Variants in PCDHGA12 observed in about 807,000 individuals in gnomAD.
The protein encoded by PCDHGA12 is protocadherin gamma subfamily A, 12.
Under a neutral mutation model 61.1 loss-of-function variants are expected in PCDHGA12, and 43 were observed. That is an observed-to-expected ratio of 0.70 (90% CI 0.55 to 0.91). PCDHGA12 has a LOEUF of 0.91. Ranked by LOEUF, PCDHGA12 falls within the 40% of genes least tolerant of loss-of-function variation. PCDHGA12 has a pLI of 0.00. For synonymous variants in PCDHGA12, 520 were observed against 542.9 expected, an observed-to-expected ratio of 0.96 and a Z score of 0.59; for missense variants, 1,236 against 1,227.7, an observed-to-expected ratio of 1.01 and a Z score of -0.10.
intron 1 of PCDHGA12, among the ~76,000 whole-genome samples, chr5:141,474,248 A>G (rs2099346089): frequency 6.6e-6 from 1 of 152,220 alleles, no homozygotes; most frequent in African/African-American, 2.4e-5. Context: ...TAGGGGAAAA[A>G]AAGACTGATA....
chr5:141,501,130 G>A (rs528942194), intron 2 of PCDHGA12, among the ~76,000 whole-genome samples: 5 of 152,100 alleles, frequency 3.3e-5, no homozygotes, highest in African/African-American at 4.8e-5. Flanking sequence ...GCCTCCCTAA[G>A]TGCTGGGATT....
In PCDHGA12 at chr5:141,486,531, C is replaced by T; in HGVS notation, c.2425-8276C>T. The T allele has an allele frequency of 6.2e-7, 1 of 1,614,062 alleles. No homozygotes were observed. Among genetic ancestry groups the T allele is most frequent in the Non-Finnish European group, 8.5e-7 (1 of 1,180,020 alleles). Reference sequence around the variant, plus strand: ...ATTTCAGATGTGAATGATAATCCACCCTCTTTCTTTCAGAGGTCACATGAG... The same window carrying T: ...ATTTCAGATGTGAATGATAATCCACTCTCTTTCTTTCAGAGGTCACATGAG... On this transcript the variant is annotated intron_variant, in intron 1 of 3. Transcript: ENST00000252085. This position sits in a 1 kb window ranked among gnomAD's most constrained non-coding sequence, Gnocchi z 5.0.
intron 1 of PCDHGA12, among the ~76,000 whole-genome samples, chr5:141,462,068 C>T (rs1006462521): frequency 6.6e-6 from 1 of 152,196 alleles, no homozygotes; most frequent in African/African-American, 2.4e-5. Context: ...GGTGATCTGC[C>T]CGCCTTGGCC....
Position 141,431,999 on chromosome 5 carries a change from C to G in PCDHGA12, c.1240C>G (p.Gln414Glu). The G allele has an allele frequency of 6.2e-7, 1 of 1,614,158 alleles. No homozygotes were observed. The highest frequency in any genetic ancestry group is 1.1e-5 in the South Asian group (1 of 91,086). Residue 414 changes from glutamine to glutamate, a missense_variant, in exon 1 of 4, where the codon CAG becomes GAG. Transcript: ENST00000252085. This position sits in a 1 kb window ranked among gnomAD's most constrained non-coding sequence, Gnocchi z 4.8. ...CACAGACATAGTCTTGGATAGGGAA[C>G]AGGTTCCTAGCTACAACATCACAGT... is the stretch of plus-strand genomic sequence containing the variant. ...LVTDIVLDREQVPSYNITVTA... is the reference protein window; with the variant it reads ...LVTDIVLDREEVPSYNITVTA...
intron 1 of PCDHGA12, chr5:141,479,417 T>A (rs2099495481): frequency 6.6e-6 from 1 of 152,210 alleles, no homozygotes; most frequent in Non-Finnish European, 1.5e-5. Context: ...ACTATGCTGA[T>A]CAATTGATCA....
intron 1 of PCDHGA12, among the ~76,000 whole-genome samples, chr5:141,481,743 G>C (rs1257734207): frequency 1.3e-5 from 2 of 152,096 alleles, no homozygotes; most frequent in Non-Finnish European, 2.9e-5. Context: ...CACGAGGTCA[G>C]GAGTCCAAGA....
chr5:141,462,414 T>C (rs549473269), intron 1 of PCDHGA12, among the ~76,000 whole-genome samples: 1 of 152,360 alleles, frequency 6.6e-6, no homozygotes, highest in Non-Finnish European at 1.5e-5. Flanking sequence ...CAGAATATGG[T>C]CTATCTTGGT....
Position 141,489,242 on chromosome 5 carries a change from T to C in PCDHGA12, c.2425-5565T>C. ...TCTCCACAAAGGGACTTCTGGGTCA[T>C]GGGGCCCAAGACACTCCCACAGCTC... On this transcript the variant is annotated intron_variant, in intron 1 of 3. Transcript: ENST00000252085. This position sits in a 1 kb window ranked among gnomAD's most constrained non-coding sequence, Gnocchi z 4.5. 6.5e-7 allele frequency: 1 copy of C among 1,534,502 alleles called. No individual in the cohort carries two copies. The highest frequency in any genetic ancestry group is 8.8e-7 in the Non-Finnish European group (1 of 1,141,994).
At chr5:141,443,874 A>G (rs2098409122) in intron 1 of PCDHGA12, among the ~76,000 whole-genome samples, 1 of 152,190 alleles carries the variant, frequency 6.6e-6, no homozygotes, top group Non-Finnish European at 1.5e-5. Flanking sequence ...AATTACTGAT[A>G]AGTCAAGAGA....
chr5:141,503,654 G>C (rs1248501987), intron 2 of PCDHGA12, among the ~76,000 whole-genome samples: 1 of 150,388 alleles, frequency 6.6e-6, no homozygotes, highest in Non-Finnish European at 1.5e-5. Flanking sequence ...AATGGAAACA[G>C]AATTACAACT....
intron 1 of PCDHGA12, 134 bp from the exon 2 acceptor site, chr5:141,494,673 C>G: frequency 4.5e-6 from 7 of 1,542,992 alleles, no homozygotes; most frequent in Non-Finnish European, 6.1e-6. Flanking sequence ...GATGAGTCCA[C>G]CCCTGCCCCC....
intron 3 of PCDHGA12, among the ~76,000 whole-genome samples, chr5:141,510,369 C>G (rs1403924479): frequency 7.1e-6 from 1 of 140,308 alleles, no homozygotes; most frequent in Non-Finnish European, 1.6e-5. Context: ...TACCGAATCT[C>G]TACTCGTGCC....
chr5:141,491,006 T>C lies in PCDHGA12; in HGVS notation c.2425-3801T>C. The C allele has an allele frequency of 6.2e-7, 1 of 1,614,062 alleles. No homozygotes were observed. Among genetic ancestry groups the C allele is most frequent in the Non-Finnish European group, 8.5e-7 (1 of 1,180,028 alleles). ...CGCTCTGCTCCTCCTGGCTCCTTGG[T>C]CACCAAGGTGACAGCCGTGGATGCT... On this transcript the variant is annotated intron_variant, in intron 1 of 3. Transcript: ENST00000252085. This position sits in a 1 kb window ranked among gnomAD's most constrained non-coding sequence, Gnocchi z 6.9.
At chr5:141,463,773 C>A (rs2099069188) in intron 1 of PCDHGA12, among the ~76,000 whole-genome samples, 1 of 152,088 alleles carries the variant, frequency 6.6e-6, no homozygotes, top group Non-Finnish European at 1.5e-5. Context: ...GGGTTAGAAT[C>A]CTGCACTGTC....
rs1423149 is a variant in PCDHGA12, at chr5:141,487,780, C to G, written c.2425-7027C>G. ...TAGACGCTGTGCTTTGTAACTGTTTCGTGAATTAACCAGAGTTGTCACAGT... is the reference window on the plus strand; with the variant it reads ...TAGACGCTGTGCTTTGTAACTGTTTGGTGAATTAACCAGAGTTGTCACAGT... On this transcript the variant is annotated intron_variant, in intron 1 of 3. Transcript: ENST00000252085. This position sits in a 1 kb window ranked among gnomAD's most constrained non-coding sequence, Gnocchi z 5.0. 6.6e-7 allele frequency: 1 copy of G among 1,526,704 alleles called. No individual in the cohort carries two copies. The allele number at this position is 1,526,704 out of a possible 1,614,324, so 94.6% of individuals were successfully genotyped here. A position where few individuals can be genotyped will look rare whatever the true frequency, so the allele number is the denominator to read the frequency against.
intron 1 of PCDHGA12, among the ~76,000 whole-genome samples, chr5:141,469,170 G>A (rs2099192781): frequency 6.6e-6 from 1 of 152,042 alleles, no homozygotes; most frequent in South Asian, 2.1e-4. Context: ...CAGCTACTTG[G>A]GAGGCTGAGG....
Position 141,490,854 on chromosome 5 carries a change from C to T in PCDHGA12, c.2425-3953C>T. On this transcript the variant is annotated intron_variant, in intron 1 of 3. Transcript: ENST00000252085. The surrounding 1 kb of genome is among the most constrained non-coding windows in gnomAD (Gnocchi z 5.4). The stretch of plus-strand genomic sequence containing the variant: ...TGCAGATTGTGGTGGGGGTTCGAGA[C>T]TCCGGCTCTCCCCCATTGCATGCCA... 6.2e-7 allele frequency: 1 copy of T among 1,613,900 alleles called. No homozygotes were observed. The highest frequency in any genetic ancestry group is 8.5e-7 in the Non-Finnish European group (1 of 1,179,914).
rs1409012917 is a variant in PCDHGA12 at position 141,512,928 on chromosome 5, T to A, written c.*1755T>A. On this transcript the variant is annotated 3_prime_UTR_variant, in exon 4 of 4. Transcript: ENST00000252085. ...CAAGTTTTATACTCTAATATTTATA[T>A]GGCTTTTTTTCTTCGACAAAAAAAT... is the stretch of plus-strand genomic sequence containing the variant. 1.3e-5 allele frequency: 2 copies of A among 152,190 alleles called. No individual in the cohort carries two copies. Among genetic ancestry groups the A allele is most frequent in the Non-Finnish European group, 2.9e-5 (2 of 68,044 alleles). The allele number at this position is 152,190 out of a possible 1,614,324, so 9.4% of individuals were successfully genotyped here.
intron 1 of PCDHGA12, among the ~76,000 whole-genome samples, chr5:141,484,752 A>G (rs181317421): frequency 6.6e-5 from 10 of 151,098 alleles, no homozygotes; most frequent in Admixed American, 3.3e-4. Context: ...AAAAAAATGT[A>G]TATATATATA....
Sources: gnomAD v4.1 joint callset for allele counts (sites outside exome capture counted in the v4.1 genomes callset) on GRCh38, gnomAD v4.1.1 for gene constraint, Gnocchi (gnomAD v3.1) non-coding constraint, MANE v1.5 for transcripts, NCBI Gene and HGNC (gene_info 2026-07-23, HGNC 2026-07-21) for gene names.